Variants in VWF observed in about 807,000 individuals in gnomAD.
The protein encoded by VWF is Factor VIII related antigen.
In VWF, 176 loss-of-function variants were observed where a neutral mutation model predicts 308.6. The observed-to-expected ratio is 0.57, with a 90% CI of 0.50 to 0.65. The LOEUF is 0.65. Among genes scored for constraint, VWF ranks in the 30% least tolerant of loss-of-function variants. The pLI is 0.00. For synonymous variants in VWF, 1,385 were observed against 1,443.4 expected, an observed-to-expected ratio of 0.96 and a Z score of 0.92; for missense variants, 3,146 against 3,648.2, an observed-to-expected ratio of 0.86 and a Z score of 3.55.
intron 16 of VWF, among the ~76,000 whole-genome samples, chr12:6,047,056 A>C (rs1944453138): frequency 6.6e-6 from 1 of 151,724 alleles, no homozygotes; most frequent in African/African-American, 2.4e-5. Context: ...ACTGTTGAAC[A>C]CTCCACTCTT....
intron 34 of VWF, among the ~76,000 whole-genome samples, chr12:5,998,791 G>A (rs996838377): frequency 5.3e-5 from 8 of 152,010 alleles, no homozygotes; most frequent in African/African-American, 1.7e-4. Flanking sequence ...GCAATGGCGC[G>A]ATCTTGGCTC....
intron 6 of VWF, among the ~76,000 whole-genome samples, chr12:6,076,549 G>A (rs528043401): frequency 3.3e-5 from 5 of 152,080 alleles, no homozygotes; most frequent in Non-Finnish European, 4.4e-5. Flanking sequence ...ATAACTTCTT[G>A]GATGCATAAT....
intron 38 of VWF, among the ~76,000 whole-genome samples, chr12:5,990,998 G>T (rs2136381974): frequency 1.3e-5 from 2 of 151,314 alleles, no homozygotes; most frequent in Admixed American, 1.3e-4. Flanking sequence ...CCAGATCTTT[G>T]GAGTCACATA....
intron 6 of VWF, among the ~76,000 whole-genome samples, chr12:6,092,620 T>TGAGAGTGAGAGTGAGAGAGAGAGAGAGA (rs1250915385): frequency 1.7e-3 from 154 of 89,044 alleles, no homozygotes; most frequent in Non-Finnish European, 2.3e-3. Flanking sequence ...TGAGTGAGAG[T>TGAGAGTGAGAGTGAGAGAGAGAGAGAGA]GTGTGTGTGT....
intron 47 of VWF, among the ~76,000 whole-genome samples, chr12:5,966,281 A>ACACACACACACG (rs1261800029): frequency 6.6e-6 from 1 of 151,662 alleles, no homozygotes; most frequent in African/African-American, 2.4e-5. Flanking sequence ...CACAATACAC[A>ACACACACACACG]CACACACACG....
rs201509264 is a variant in VWF, at chr12:5,991,806, C to T, written c.6798+13G>A. The T allele has an allele frequency of 4.1e-5, 66 of 1,613,470 alleles. No homozygotes were observed. In the East Asian group the frequency reaches 1.3e-3, roughly 33 times the overall value. On this transcript the variant is annotated intron_variant, in intron 38 of 51. Transcript: ENST00000261405. ...AAGCAGCCCCATGGGAAGTGAAAGGCCCAGGCTCCTACCTGGTGCTGGACT... is the reference window on the plus strand; with the variant it reads ...AAGCAGCCCCATGGGAAGTGAAAGGTCCAGGCTCCTACCTGGTGCTGGACT...
intron 9 of VWF, among the ~76,000 whole-genome samples, chr12:6,071,677 G>A (rs978970112): frequency 6.6e-6 from 1 of 152,204 alleles, no homozygotes; most frequent in Non-Finnish European, 1.5e-5. Flanking sequence ...GCAAGAGAGC[G>A]ATATGGAAAT....
intron 47 of VWF, among the ~76,000 whole-genome samples, chr12:5,964,887 C>T (rs1217879136): frequency 6.6e-6 from 1 of 152,082 alleles, no homozygotes; most frequent in East Asian, 1.9e-4. Flanking sequence ...AAGGGGGCAA[C>T]AGTGTTAAGG....
chr12:6,101,564 C>T (rs557675446), intron 5 of VWF, among the ~76,000 whole-genome samples: 2 of 150,844 alleles, frequency 1.3e-5, no homozygotes, highest in East Asian at 4.1e-4. Flanking sequence ...ATCACGACGT[C>T]AGGAGATTGA....
In VWF at chr12:5,985,091, G is replaced by A; in HGVS notation, c.6930C>T (p.Ala2310=). 6 of 1,614,184 alleles carry A rather than the reference G, an allele frequency of 3.7e-6. No homozygotes were observed. Among genetic ancestry groups the A allele is most frequent in the Non-Finnish European group, 5.1e-6 (6 of 1,180,038 alleles). Residue 2310 remains alanine, a synonymous_variant, in exon 40 of 52, where the codon GCC becomes GCT. Coordinates refer to ENST00000261405, the MANE Select transcript of VWF (RefSeq NM_000552.5). ...ACTGGTCTGCATTCTGGCGGAGGCG[G>A]GCTACTTCACACAGGCCACACGTGG... ...KAPTCGLCEV[A]RLRQNADQCC... is the part of the protein sequence containing the mutation.
chr12:5,974,216 A>G (rs555239511), intron 43 of VWF, among the ~76,000 whole-genome samples: 63 of 134,786 alleles, frequency 4.7e-4, no homozygotes, highest in African/African-American at 1.7e-3. Flanking sequence ...TCTGTAACTT[A>G]CTTAAGCTCC....
At chr12:6,050,271 T>C (rs1426427698) in intron 16 of VWF, among the ~76,000 whole-genome samples, 2 of 152,168 alleles carry the variant, frequency 1.3e-5, no homozygotes, top group African/African-American at 4.8e-5. Context: ...CACTAGTCCA[T>C]CTGCTTTCCC....
intron 18 of VWF, among the ~76,000 whole-genome samples, chr12:6,038,614 T>C (rs1944363549): frequency 1.3e-5 from 2 of 152,182 alleles, no homozygotes; most frequent in African/African-American, 4.8e-5. Flanking sequence ...AGGTGTGAGA[T>C]AACAATGCCA....
chr12:5,953,641 C>T (rs773293412), intron 47 of VWF, 47 bp from the exon 48 acceptor site: 21 of 1,492,394 alleles, frequency 1.4e-5, no homozygotes, highest in South Asian at 2.3e-5. Context: ...CTCCTTAAAA[C>T]ATCCCAATTG....
intron 47 of VWF, among the ~76,000 whole-genome samples, chr12:5,963,804 T>G (rs546011120): frequency 6.6e-6 from 1 of 152,226 alleles, no homozygotes; most frequent in Admixed American, 6.5e-5. Flanking sequence ...CTTATTTATA[T>G]CTGCATCGGA....
intron 6 of VWF, among the ~76,000 whole-genome samples, chr12:6,081,340 T>TG (rs900057683): frequency 6.7e-6 from 1 of 149,556 alleles, no homozygotes; most frequent in Non-Finnish European, 1.5e-5. Context: ...GTGTTTTTTG[T>TG]TTTGTTTTGT....
intron 3 of VWF, among the ~76,000 whole-genome samples, chr12:6,120,689 G>C (rs1455278191): frequency 1.3e-5 from 2 of 152,144 alleles, no homozygotes; most frequent in Admixed American, 6.5e-5. Context: ...AAACTGGGAT[G>C]ACTACAGCTA....
In VWF at chr12:5,994,513, T is replaced by C. The variant is rs760247929; in HGVS notation, c.6158A>G (p.Asn2053Ser). ...YGAIMHEVRFNHLGHIFTFTP... is the reference protein window; with the variant it reads ...YGAIMHEVRFSHLGHIFTFTP... Reference sequence around the variant, plus strand: ...GAATGTGAAGATGTGACCAAGGTGATTGAATCTGACCTCATGCATGATGGC... The same window carrying C: ...GAATGTGAAGATGTGACCAAGGTGACTGAATCTGACCTCATGCATGATGGC... Residue 2053 changes from asparagine (N) to serine (S), a missense_variant, in exon 36 of 52, where the codon AAT (asparagine) becomes AGT (serine). Transcript: ENST00000261405. 38 of 1,613,968 alleles carry C rather than the reference T, an allele frequency of 2.4e-5. No homozygotes were observed. The East Asian group carries it at 6.9e-4, about 29-fold the overall frequency.
At chr12:6,098,827 G>C (rs1204399790) in intron 5 of VWF, among the ~76,000 whole-genome samples, 2 of 151,834 alleles carry the variant, frequency 1.3e-5, no homozygotes, top group African/African-American at 2.4e-5. Flanking sequence ...AGGATAAGGA[G>C]AGAAAAAGGA....
Sources: gnomAD v4.1 joint callset for allele counts (sites outside exome capture counted in the v4.1 genomes callset) on GRCh38, gnomAD v4.1.1 for gene constraint, MANE v1.5 for transcripts, NCBI Gene and HGNC (gene_info 2026-07-23, HGNC 2026-07-21) for gene names.